The following STK3 variants were observed in gnomAD, a reference collection of about 807,000 sequenced individuals.
The protein encoded by STK3 is serine/threonine-protein kinase 3.
Under a neutral mutation model 58.0 loss-of-function variants are expected in STK3, and 41 were observed. The observed-to-expected ratio is 0.71, with a 90% CI of 0.55 to 0.92. The LOEUF (loss-of-function observed/expected upper bound fraction) is 0.92. Among genes scored for constraint, STK3 ranks in the 40% least tolerant of loss-of-function variants. The pLI, the probability that STK3 is intolerant of heterozygous loss-of-function variation, is 0.00. For missense variants in STK3, 479 were observed against 602.7 expected (o/e 0.79, Z 2.15); for synonymous variants, 170 against 191.0 (o/e 0.89, Z 0.91).
downstream of STK3, among the ~76,000 whole-genome samples, chr8:98,366,656 G>T (rs1316506226): frequency 3.3e-5 from 5 of 152,130 alleles, no homozygotes; most frequent in Non-Finnish European, 7.3e-5. Context: ...CCATTTTATG[G>T]TGGATCTATT....
At chr8:98,608,191 A>T (rs952593902) in intron 6 of STK3, among the ~76,000 whole-genome samples, 2 of 152,112 alleles carry the variant, frequency 1.3e-5, no homozygotes, top group Admixed American at 6.6e-5. Context: ...GTTAGGCCAG[A>T]TATTTTTCAT....
intron 6 of STK3, among the ~76,000 whole-genome samples, chr8:98,686,269 A>G (rs1823991638): frequency 6.6e-6 from 1 of 152,174 alleles, no homozygotes; most frequent in Non-Finnish European, 1.5e-5. Context: ...AAGGCACTCT[A>G]GATGACATTT....
At chr8:98,758,997 G>C (rs1287407599) in intron 3 of STK3, among the ~76,000 whole-genome samples, 1 of 152,168 alleles carries the variant, frequency 6.6e-6, no homozygotes, top group Non-Finnish European at 1.5e-5. Context: ...TGCTGTGGCT[G>C]GTTTGAACTT....
chr8:98,407,000 C>T (rs530117660), intron 3 of STK3, among the ~76,000 whole-genome samples: 7 of 152,312 alleles, frequency 4.6e-5, no homozygotes, highest in Admixed American at 1.3e-4. Context: ...CATCTGCCTG[C>T]AGGCTATTGG....
the STK3 span, among the ~76,000 whole-genome samples, chr8:98,348,861 C>T: frequency 6.6e-6 from 1 of 152,218 alleles, no homozygotes; most frequent in East Asian, 1.9e-4. Context: ...TCTTACAAAA[C>T]TAAACATACT....
chr8:98,923,245 TTAA>T (rs1839641245), intron 1 of STK3, among the ~76,000 whole-genome samples: 2 of 152,206 alleles, frequency 1.3e-5, no homozygotes, highest in African/African-American at 4.8e-5. Context: ...AAATATTATG[TTAA>T]TAAGTCTGGG....
intron 3 of STK3, among the ~76,000 whole-genome samples, chr8:98,420,057 T>C (rs1563597350): frequency 1.3e-5 from 2 of 152,232 alleles, no homozygotes; most frequent in Non-Finnish European, 2.9e-5. Context: ...GTTTTCTAGT[T>C]GCCCTCCCCC....
intron 4 of STK3, among the ~76,000 whole-genome samples, chr8:98,732,308 C>T (rs1417496066): frequency 6.6e-6 from 1 of 152,102 alleles, no homozygotes; most frequent in Non-Finnish European, 1.5e-5. Context: ...AATGGACTCA[C>T]ATCTAGGCAC....
At chr8:98,631,475 T>C (rs1819228723) in intron 6 of STK3, among the ~76,000 whole-genome samples, 1 of 152,084 alleles carries the variant, frequency 6.6e-6, no homozygotes, top group Non-Finnish European at 1.5e-5. Context: ...AGAACGTTCT[T>C]TCCCCAGAAA....
At chr8:98,738,189 T>C (rs946853749) in intron 4 of STK3, among the ~76,000 whole-genome samples, 1 of 152,070 alleles carries the variant, frequency 6.6e-6, no homozygotes, top group African/African-American at 2.4e-5. Flanking sequence ...TTCTAAAACT[T>C]ATGTGAGGCC....
At chr8:98,547,037 C>T (rs1457152974) in intron 9 of STK3, among the ~76,000 whole-genome samples, 1 of 152,138 alleles carries the variant, frequency 6.6e-6, no homozygotes, top group African/African-American at 2.4e-5. Flanking sequence ...AGAGAAAATT[C>T]TGGTATCCAT....
At position 98,485,346 on chromosome 8, in the gene STK3, C is replaced by T. The variant is rs563953355; in HGVS notation, c.1318-29346G>A. Among the ~76,000 whole-genome samples, 104 of 152,254 alleles carry T rather than the reference C, an allele frequency of 6.8e-4. 2 individuals carry two copies. In the South Asian group the frequency reaches 0.022, roughly 32 times the overall value. ...ATTTTATCTAGAACCATTACTGTTGCCCTGAAAGCCAGATTCACTTTAGTC... is the reference window on the plus strand; with the variant it reads ...ATTTTATCTAGAACCATTACTGTTGTCCTGAAAGCCAGATTCACTTTAGTC... On this transcript the variant is annotated intron_variant, in intron 10 of 10. Transcript: ENST00000419617.
chr8:98,926,960 G>C (rs371576728), intron 1 of STK3, among the ~76,000 whole-genome samples: 1 of 152,218 alleles, frequency 6.6e-6, no homozygotes, highest in Non-Finnish European at 1.5e-5. Context: ...CATGGGGCCC[G>C]AATGCAGACT....
At chr8:98,597,114 A>G (rs1815894444) in intron 6 of STK3, 1 of 244,802 alleles carries the variant, frequency 4.1e-6, no homozygotes, top group South Asian at 1.5e-4. Context: ...AAATTACTCC[A>G]GAATTCAAGA....
chr8:98,357,642 A>G, the STK3 span, among the ~76,000 whole-genome samples: 7 of 152,216 alleles, frequency 4.6e-5, no homozygotes, highest in South Asian at 2.1e-4. Context: ...GATAGGCACA[A>G]CCCCTTTGGG....
At chr8:98,488,934 T>C (rs1400571251) in intron 10 of STK3, among the ~76,000 whole-genome samples, 1 of 152,158 alleles carries the variant, frequency 6.6e-6, no homozygotes, top group East Asian at 1.9e-4. Context: ...TCTGGGCACC[T>C]TTCTCAAAAG....
chr8:98,598,722 A>T (rs1816046739), intron 6 of STK3: 1 of 985,294 alleles, frequency 1.0e-6, no homozygotes, highest in African/African-American at 1.7e-5. Context: ...CACACATTAC[A>T]GCCATATAAT....
chr8:98,436,583 G>A (rs962108233), intron 2 of STK3: 1 of 152,224 alleles, frequency 6.6e-6, no homozygotes, highest in South Asian at 2.1e-4. Flanking sequence ...TGGCAGCTGA[G>A]TAATTGCCAA....
At chr8:98,618,191 A>G (rs1817931098) in intron 6 of STK3, among the ~76,000 whole-genome samples, 1 of 152,050 alleles carries the variant, frequency 6.6e-6, no homozygotes, top group African/African-American at 2.4e-5. Context: ...TCCAGCATAT[A>G]AACAGAGCCA....
Sources: gnomAD v4.1 joint callset for allele counts (sites outside exome capture counted in the v4.1 genomes callset) on GRCh38, gnomAD v4.1.1 for gene constraint, MANE v1.5 for transcripts, NCBI Gene and HGNC (gene_info 2026-07-23, HGNC 2026-07-21) for gene names.